Variants in AGPAT5 observed in about 807,000 individuals in gnomAD.
The protein encoded by AGPAT5 is 1-acylglycerol-3-phosphate O-acyltransferase 5, also known as 1-acyl-sn-glycerol-3-phosphate acyltransferase epsilon.
A neutral mutation model predicts 45.6 loss-of-function variants in AGPAT5; 46 were observed. That is an observed-to-expected ratio of 1.01 (90% CI 0.80 to 1.29). The LOEUF is 1.29. AGPAT5 is among the 50% of genes most tolerant of loss of function. The pLI is 0.00. For missense variants in AGPAT5, 673 were observed against 450.7 expected (o/e 1.49, Z -4.47); for synonymous variants, 272 against 167.0 (o/e 1.63, Z -4.85).
At chr8:6,741,605 C>G in intron 4 of AGPAT5, 56 bp from the exon 5 acceptor site, 1 of 1,267,450 alleles carries the variant, frequency 7.9e-7, no homozygotes. Flanking sequence ...TTTAGGTTAA[C>G]AATAACAAAA....
At chr8:6,735,496 T>C (rs1801020944) in intron 4 of AGPAT5, among the ~76,000 whole-genome samples, 1 of 152,234 alleles carries the variant, frequency 6.6e-6, no homozygotes, top group South Asian at 2.1e-4. Flanking sequence ...TCTGCAAAAT[T>C]GTTAAAATTT....
intron 2 of AGPAT5, among the ~76,000 whole-genome samples, chr8:6,727,036 CTGAT>C (rs1446172057): frequency 2.0e-5 from 3 of 152,120 alleles, no homozygotes; most frequent in Non-Finnish European, 4.4e-5. Context: ...GGTTCATTGT[CTGAT>C]TGTGTTTAGG....
Position 6,760,102 on chromosome 8 carries a change from G to C in AGPAT5, c.*2714G>C, listed in dbSNP as rs938457445. Among the ~76,000 whole-genome samples the C allele has an allele frequency of 6.6e-6, 1 of 151,984 alleles. No homozygotes were observed. Among genetic ancestry groups the C allele is most frequent in the Non-Finnish European group, 1.5e-5 (1 of 68,022 alleles). ...TTACATAAGCTTTATTTTTTCCTTT[G>C]TTCATAATTATATTCTTTGAATAGG... On this transcript the variant is annotated 3_prime_UTR_variant, in exon 8 of 8. Coordinates refer to ENST00000285518, the MANE Select transcript of AGPAT5 (RefSeq NM_018361.5).
chr8:6,737,423 T>G (rs1216244213), intron 4 of AGPAT5, among the ~76,000 whole-genome samples: 1 of 152,258 alleles, frequency 6.6e-6, no homozygotes, highest in Non-Finnish European at 1.5e-5. Context: ...TTATTCGGTA[T>G]TAGTATTTAA....
chr8:6,736,239 C>G (rs1563295712), intron 4 of AGPAT5, among the ~76,000 whole-genome samples: 1 of 152,182 alleles, frequency 6.6e-6, no homozygotes. Flanking sequence ...ATTGGTACCA[C>G]ACTATTAATT....
chr8:6,717,951 C>A (rs1800384841), intron 1 of AGPAT5, among the ~76,000 whole-genome samples: 1 of 152,150 alleles, frequency 6.6e-6, no homozygotes, highest in Non-Finnish European at 1.5e-5. Flanking sequence ...CAGTGAGAAA[C>A]CTAGGTGTAA....
At chr8:6,752,134 G>C (rs1394217182) in intron 6 of AGPAT5, among the ~76,000 whole-genome samples, 2 of 152,106 alleles carry the variant, frequency 1.3e-5, no homozygotes, top group African/African-American at 2.4e-5. Context: ...CTAAGATCGT[G>C]CCACTGGACT....
At chr8:6,723,656 AT>A (rs1800583590) in intron 1 of AGPAT5, among the ~76,000 whole-genome samples, 1 of 152,262 alleles carries the variant, frequency 6.6e-6, no homozygotes. Flanking sequence ...GGTATTACTC[AT>A]TTATGTCATC....
intron 1 of AGPAT5, among the ~76,000 whole-genome samples, chr8:6,717,630 T>G (rs1336020063): frequency 6.6e-6 from 1 of 152,234 alleles, no homozygotes; most frequent in East Asian, 1.9e-4. Flanking sequence ...TGTGTCCAAA[T>G]GAATACTTAA....
At position 6,722,406 on chromosome 8, in the gene AGPAT5, T is replaced by A. The variant is rs527326754; in HGVS notation, c.220-2464T>A. On this transcript the variant is annotated intron_variant, in intron 1 of 7. Coordinates refer to ENST00000285518, the MANE Select transcript of AGPAT5 (RefSeq NM_018361.5). ...ACTTAACAACAGCAAAAGTTTTTTT[T>A]AAAAAATCATGTTTCAAGATTTGCA... is the stretch of plus-strand genomic sequence containing the variant. Among the ~76,000 whole-genome samples, 242 of 152,316 alleles carry A rather than the reference T, an allele frequency of 1.6e-3. 2 individuals carry two copies. The highest frequency in any genetic ancestry group is 5.4e-3 in the African/African-American group (223 of 41,556).
intron 3 of AGPAT5, among the ~76,000 whole-genome samples, chr8:6,732,024 A>ATTAAT (rs956800404): frequency 6.6e-6 from 1 of 152,136 alleles, no homozygotes; most frequent in Non-Finnish European, 1.5e-5. Flanking sequence ...TTTAACCTTA[A>ATTAAT]TTACCACCTC....
rs565519425 is a variant in AGPAT5, at chr8:6,716,436, C to T, written c.219+7549C>T. On this transcript the variant is annotated intron_variant, in intron 1 of 7. Transcript: ENST00000285518. Reference sequence around the variant, plus strand: ...ACTTACTGGGCATGGTGGTGTGTGCCTGTAGTCCTAGCTACTCAGGAGGCT... The same window carrying T: ...ACTTACTGGGCATGGTGGTGTGTGCTTGTAGTCCTAGCTACTCAGGAGGCT... 3.3e-5 allele frequency among the ~76,000 whole-genome samples: 5 copies of T among 152,184 alleles called. No individual in the cohort carries two copies. The East Asian group carries it at 9.7e-4, about 29-fold the overall frequency.
At position 6,708,788 on chromosome 8, in the gene AGPAT5, C is replaced by A; in HGVS notation, c.120C>A (p.Ala40=). The A allele has an allele frequency of 6.2e-7, 1 of 1,610,018 alleles. No homozygotes were observed. Among genetic ancestry groups the A allele is most frequent in the Non-Finnish European group, 8.5e-7 (1 of 1,179,704 alleles). The change falls in exon 1 of 8, where the codon GCC becomes GCA. Residue 40 remains alanine, a synonymous_variant. Transcript: ENST00000285518. ...LAWGVWRLLS[A]FLPARFYQAL... ...GGGGGGTCTGGCGGCTGCTCTCCGC[C>A]TTCCTGCCCGCCCGCTTCTACCAAG...
At chr8:6,743,830 T>G (rs1276088727) in intron 5 of AGPAT5, among the ~76,000 whole-genome samples, 1 of 151,966 alleles carries the variant, frequency 6.6e-6, no homozygotes, top group African/African-American at 2.4e-5. Context: ...GTGACATACT[T>G]AAGCTTTTTG....
At chr8:6,725,344 C>T (rs975573448) in intron 2 of AGPAT5, among the ~76,000 whole-genome samples, 1 of 152,180 alleles carries the variant, frequency 6.6e-6, no homozygotes, top group Non-Finnish European at 1.5e-5. Context: ...TACTCGTTTC[C>T]TTACTATGCT....
At chr8:6,709,024 C>G in intron 1 of AGPAT5, 137 bp downstream of exon 1, 1 of 828,530 alleles carries the variant, frequency 1.2e-6, no homozygotes, top group Non-Finnish European at 2.0e-6. Flanking sequence ...GCCGCCTCCC[C>G]GCCTTCCTCT....
rs372688517 is a variant in AGPAT5, at chr8:6,741,718, C to T, written c.553C>T (p.Leu185Phe). 12 of 1,612,398 alleles carry T rather than the reference C, an allele frequency of 7.4e-6. No homozygotes were observed. Among genetic ancestry groups the T allele is most frequent in the Admixed American group, 1.7e-5 (1 of 59,824 alleles). The stretch of plus-strand genomic sequence containing the variant: ...GTATAATCCAGAGCAAACAAAAGTC[C>T]TTTCAGCTAGTCAGGCATTTGCTGC... ...TRYNPEQTKVLSASQAFAAQR... is the reference protein window; with the variant it reads ...TRYNPEQTKVFSASQAFAAQR... Residue 185 changes from leucine to phenylalanine, a missense_variant, in exon 5 of 8, where the codon CTT becomes TTT. By Grantham distance (22) the Leu-to-Phe change is conservative. Coordinates refer to ENST00000285518, the MANE Select transcript of AGPAT5 (RefSeq NM_018361.5).
At chr8:6,724,424 C>A (rs1312899840) in intron 1 of AGPAT5, among the ~76,000 whole-genome samples, 1 of 151,952 alleles carries the variant, frequency 6.6e-6, no homozygotes, top group Admixed American at 6.6e-5. Flanking sequence ...GGTTGTGTAC[C>A]CTTTAGTGTC....
intron 1 of AGPAT5, among the ~76,000 whole-genome samples, chr8:6,711,115 C>T (rs1404435342): frequency 1.3e-5 from 2 of 152,058 alleles, no homozygotes; most frequent in Non-Finnish European, 2.9e-5. Flanking sequence ...GACATTTTTA[C>T]ACCTTTCAAC....
Sources: allele counts gnomAD v4.1 joint callset (sites outside exome capture counted in the v4.1 genomes callset), GRCh38; gene constraint gnomAD v4.1.1; transcripts MANE v1.5; gene names NCBI Gene and HGNC (gene_info 2026-07-23, HGNC 2026-07-21).